TRIM67: variants seen among roughly 807,000 people sequenced by gnomAD.
TRIM67 encodes the protein tripartite motif-containing protein 67.
A neutral mutation model predicts 71.0 loss-of-function variants in TRIM67; 39 were observed. That is an observed-to-expected ratio of 0.55 (90% confidence interval 0.43 to 0.72). The LOEUF (loss-of-function observed/expected upper bound fraction) is 0.72. TRIM67 is among the 30% of genes least tolerant of loss of function. TRIM67 has a pLI of 0.00. For missense variants in TRIM67, 973 were observed against 1,079.2 expected, an observed-to-expected ratio of 0.90 and a Z score of 1.38; for synonymous variants, 481 against 473.9, an observed-to-expected ratio of 1.01 and a Z score of -0.19.
At chr1:231,167,300 C>G (rs923917477) in intron 1 of TRIM67, among the ~76,000 whole-genome samples, 3 of 138,968 alleles carry the variant, frequency 2.2e-5, no homozygotes, top group Non-Finnish European at 4.7e-5. Flanking sequence ...AAAGACAGGA[C>G]TTTTGATCAC....
rs545287324 is a variant in TRIM67 at position 231,178,428 on chromosome 1, C to A, written c.1044+14415C>A. 5.9e-5 allele frequency among the ~76,000 whole-genome samples: 9 copies of A among 152,326 alleles called. No individual in the cohort carries two copies. In the East Asian group the frequency reaches 1.7e-3, roughly 29 times the overall value. ...GAATTAACAGTGTACACCACATGTG[C>A]GTGTTCAATAAAAGAAAGCCACTAT... On this transcript the variant is annotated intron_variant, in intron 1 of 9. Transcript: ENST00000366653.
rs991908608 is a variant in TRIM67 at position 231,177,859 on chromosome 1, C to T, written c.1044+13846C>T. On this transcript the variant is annotated intron_variant, in intron 1 of 9. Transcript: ENST00000366653. ...TCCCAGTACCCATCAGAGCATCTGA[C>T]ACCCAGTCAAGCACAAGAAACATCT... is the stretch of plus-strand genomic sequence containing the variant. 2.6e-5 allele frequency among the ~76,000 whole-genome samples: 4 copies of T among 152,184 alleles called. No homozygotes were observed. The East Asian group carries it at 7.7e-4, about 29-fold the overall frequency.
chr1:231,163,553 C>T lies in TRIM67; in HGVS notation c.584C>T (p.Ala195Val). The change falls in exon 1 of 10, where the codon GCC (alanine) becomes GTC (valine). Residue 195 changes from alanine (A) to valine (V), a missense_variant. Ala to Val is a moderately conservative substitution (Grantham distance 64). Transcript: ENST00000366653. ...IVQRYQQGRG[A>V]VPGTSAAAAV... ...CAGCGGTACCAGCAGGGCCGCGGGGCCGTGCCGGGGACGTCTGCAGCCGCG... is the reference window on the plus strand; with the variant it reads ...CAGCGGTACCAGCAGGGCCGCGGGGTCGTGCCGGGGACGTCTGCAGCCGCG... 6.6e-7 allele frequency: 1 copy of T among 1,512,930 alleles called. No individual in the cohort carries two copies. Among genetic ancestry groups the T allele is most frequent in the African/African-American group, 1.4e-5 (1 of 69,688 alleles). The allele number at this position is 1,512,930 out of a possible 1,614,324, so 93.7% of individuals were successfully genotyped here.
chr1:231,197,484 G>T lies in TRIM67; in HGVS notation c.1140+18G>T. On this transcript the variant is annotated intron_variant, in intron 2 of 9. Transcript: ENST00000366653. ...AGATCCAGGTGAGCACAGCTCTGGC[G>T]TCGGGAGAAATACTCAGTGTTGAAA... 1 of 1,609,882 alleles carries T rather than the reference G, an allele frequency of 6.2e-7. No individual in the cohort carries two copies. Among genetic ancestry groups the T allele is most frequent in the South Asian group, 1.1e-5 (1 of 90,894 alleles).
intron 6 of TRIM67, among the ~76,000 whole-genome samples, chr1:231,206,281 A>T (rs1479501612): frequency 6.6e-6 from 1 of 151,234 alleles, no homozygotes; most frequent in Non-Finnish European, 1.5e-5. Flanking sequence ...ATATATATAT[A>T]TATATATAAA....
At chr1:231,189,110 A>G (rs1683164939) in intron 1 of TRIM67, among the ~76,000 whole-genome samples, 2 of 152,200 alleles carry the variant, frequency 1.3e-5, no homozygotes, top group Non-Finnish European at 2.9e-5. Flanking sequence ...CCTGTGTACT[A>G]GCCTCCGGGC....
chr1:231,187,638 C>A, intron 1 of TRIM67: 1 of 1,346,902 alleles, frequency 7.4e-7, no homozygotes, highest in Non-Finnish European at 1.0e-6. Flanking sequence ...TTTTAATACA[C>A]GCCCCATCTC....
rs951763367 is a variant in TRIM67 at position 231,215,909 on chromosome 1, T to C, written c.*469T>C. 5.0e-6 allele frequency: 5 copies of C among 991,038 alleles called. No individual in the cohort carries two copies. In the South Asian group the frequency reaches 1.9e-4, roughly 37 times the overall value. 61.4% of individuals were successfully genotyped at this position (991,038 alleles called of 1,614,324 possible). On this transcript the variant is annotated 3_prime_UTR_variant, in exon 10 of 10. Transcript: ENST00000366653. ...ACCTTGCCTCCTCAGAGTCCCGAGA[T>C]TGCAGATTCTCATCATGCTGAGAAA...
At chr1:231,189,792 C>G (rs562607954) in intron 1 of TRIM67, among the ~76,000 whole-genome samples, 3 of 152,084 alleles carry the variant, frequency 2.0e-5, no homozygotes, top group African/African-American at 7.2e-5. Flanking sequence ...GATACCACCT[C>G]TCCTGGGGTT....
At chr1:231,185,260 A>G (rs2102731973) in intron 1 of TRIM67, 1 of 1,519,592 alleles carries the variant, frequency 6.6e-7, no homozygotes, top group Non-Finnish European at 8.8e-7. Context: ...GTCTCCCCTC[A>G]CCCCTGGACC....
chr1:231,165,198 A>T (rs938679260), intron 1 of TRIM67, among the ~76,000 whole-genome samples: 2 of 152,156 alleles, frequency 1.3e-5, no homozygotes, highest in Non-Finnish European at 2.9e-5. Flanking sequence ...AACATTCTAC[A>T]GTGCACAGGA....
At chr1:231,175,059 C>T (rs949450745) in intron 1 of TRIM67, among the ~76,000 whole-genome samples, 12 of 152,214 alleles carry the variant, frequency 7.9e-5, no homozygotes, top group Admixed American at 5.9e-4. Context: ...CTGCTCCCTG[C>T]CAGTCCCACA....
Position 231,213,997 on chromosome 1 carries a change from C to T in TRIM67, c.2286+20C>T, listed in dbSNP as rs1244401452. 5.7e-6 allele frequency: 9 copies of T among 1,592,344 alleles called. No homozygotes were observed. The highest frequency in any genetic ancestry group is 4.5e-5 in the East Asian group (2 of 44,630). ...GTGCAGGTACACACCTCCCCAGGGCCGGACCTGGTCTGGCTGCTCCCAACT... is the reference window on the plus strand; with the variant it reads ...GTGCAGGTACACACCTCCCCAGGGCTGGACCTGGTCTGGCTGCTCCCAACT... On this transcript the variant is annotated intron_variant, in intron 9 of 9. Transcript: ENST00000366653.
intron 5 of TRIM67, among the ~76,000 whole-genome samples, chr1:231,203,521 G>A (rs1571897735): frequency 6.6e-6 from 1 of 152,210 alleles, no homozygotes; most frequent in African/African-American, 2.4e-5. Context: ...CGTTCCTCAT[G>A]AGTCTGAGTC....
At chr1:231,173,438 A>C (rs1428945226) in intron 1 of TRIM67, among the ~76,000 whole-genome samples, 1 of 152,202 alleles carries the variant, frequency 6.6e-6, no homozygotes, top group Non-Finnish European at 1.5e-5. Flanking sequence ...GTTGAAAAAC[A>C]ATCACTGAGG....
chr1:231,184,391 CAGCTAAGA>C (rs931515961), intron 1 of TRIM67: 4 of 152,316 alleles, frequency 2.6e-5, no homozygotes, highest in African/African-American at 9.7e-5. Flanking sequence ...CAGGAACAGA[CAGCTAAGA>C]AGGCCCCAAC....
At position 231,217,540 on chromosome 1, in the gene TRIM67, C is replaced by T; in HGVS notation, c.*2100C>T. On this transcript the variant is annotated 3_prime_UTR_variant, in exon 10 of 10. Transcript: ENST00000366653. ...GAGGATGAAGAGGAGCCACCACTTT[C>T]CTGGGGCCAAGGAAGCCATCAGCTT... The T allele has an allele frequency of 9.9e-7, 1 of 1,005,376 alleles. No individual in the cohort carries two copies. Among genetic ancestry groups the T allele is most frequent in the South Asian group, 4.2e-5 (1 of 23,680 alleles). 62.3% of individuals were successfully genotyped at this position (1,005,376 alleles called of 1,614,324 possible). A position where few individuals can be genotyped will look rare whatever the true frequency, so the allele number is the denominator to read the frequency against.
chr1:231,162,631 G>C lies in TRIM67; in HGVS notation c.-339G>C. On this transcript the variant is annotated 5_prime_UTR_variant, in exon 1 of 10. Transcript: ENST00000366653. ...GGAGAGGAGGCGCGCGCTGCAGCCG[G>C]CGGCGGCGCTGGTGCTGATTCATCA... 3.6e-6 allele frequency: 1 copy of C among 274,740 alleles called. No homozygotes were observed. Among genetic ancestry groups the C allele is most frequent in the Non-Finnish European group, 6.8e-6 (1 of 146,498 alleles). 17.0% of individuals were successfully genotyped at this position (274,740 alleles called of 1,614,324 possible). A position where few individuals can be genotyped will look rare whatever the true frequency, so the allele number is the denominator to read the frequency against.
At chr1:231,201,884 G>A (rs981946560) in intron 5 of TRIM67, among the ~76,000 whole-genome samples, 3 of 152,344 alleles carry the variant, frequency 2.0e-5, no homozygotes, top group South Asian at 4.1e-4. Flanking sequence ...TTGGGCTTAC[G>A]CTCTCGAGAA....
Sources: allele counts gnomAD v4.1 joint callset (sites outside exome capture counted in the v4.1 genomes callset), GRCh38; gene constraint gnomAD v4.1.1; transcripts MANE v1.5; gene names NCBI Gene and HGNC (gene_info 2026-07-23, HGNC 2026-07-21).